Variants in AGBL4 observed in about 807,000 individuals in gnomAD.
The protein encoded by AGBL4 is cytosolic carboxypeptidase 6.
In AGBL4, 58 loss-of-function variants were observed where a neutral mutation model predicts 66.4. The ratio of observed to expected loss-of-function variants is 0.87; its 90% confidence interval spans 0.71 to 1.09. The LOEUF is 1.09. Among genes scored for constraint, AGBL4 ranks in the 50% least tolerant of loss-of-function variants. The probability of loss-of-function intolerance (pLI) is 0.00; values close to 1 mark genes in which losing one functional copy is unlikely to be tolerated. For synonymous variants in AGBL4, 234 were observed against 222.9 expected, an observed-to-expected ratio of 1.05 and a Z score of -0.44; for missense variants, 579 against 631.0, an observed-to-expected ratio of 0.92 and a Z score of 0.88.
chr1:48,984,494 G>T (rs942517956), intron 5 of AGBL4, among the ~76,000 whole-genome samples: 1 of 147,572 alleles, frequency 6.8e-6, no homozygotes, highest in Admixed American at 6.7e-5. Context: ...TTTCCCATCC[G>T]CCTATCATAT....
chr1:49,556,451 T>C (rs1350777130), intron 3 of AGBL4, among the ~76,000 whole-genome samples: 2 of 151,800 alleles, frequency 1.3e-5, no homozygotes, highest in Admixed American at 6.6e-5. Context: ...GGCACATGTA[T>C]ACATATGTAA....
At chr1:49,744,953 C>T (rs1270298481) in intron 2 of AGBL4, among the ~76,000 whole-genome samples, 1 of 151,918 alleles carries the variant, frequency 6.6e-6, no homozygotes, top group Non-Finnish European at 1.5e-5. Flanking sequence ...TTAAATGGTA[C>T]ACTAGACTGT....
chr1:48,533,968 A>G lies in AGBL4; in HGVS notation c.*205T>C. The stretch of plus-strand genomic sequence containing the variant: ...GTTCCGATCTCCTATTTTGTTCCTG[A>G]GCTTTTTGAGCTGAAGGCTTACAAT... On this transcript the variant is annotated 3_prime_UTR_variant, in exon 14 of 14. Transcript: ENST00000371839. 2 of 762,952 alleles carry G rather than the reference A, an allele frequency of 2.6e-6. No individual in the cohort carries two copies. Among genetic ancestry groups the G allele is most frequent in the Non-Finnish European group, 4.2e-6 (2 of 476,348 alleles). The allele number at this position is 762,952 out of a possible 1,614,324, so 47.3% of individuals were successfully genotyped here.
At position 48,755,485 on chromosome 1, in the gene AGBL4, T is replaced by C. The variant is rs544959926; in HGVS notation, c.635-92244A>G. ...CAAAAAATGAAAATACTCAAGGATA[T>C]GCCTCCAGGAGCAACACTCAAATGA... On this transcript the variant is annotated intron_variant, in intron 6 of 13. Coordinates refer to ENST00000371839, the MANE Select transcript of AGBL4 (RefSeq NM_032785.4). Among the ~76,000 whole-genome samples the C allele has an allele frequency of 9.9e-5, 15 of 152,280 alleles. No individual in the cohort carries two copies. The South Asian group carries it at 2.9e-3, about 30-fold the overall frequency.
At chr1:49,362,135 A>T (rs554985611) in intron 3 of AGBL4, among the ~76,000 whole-genome samples, 2 of 152,262 alleles carry the variant, frequency 1.3e-5, no homozygotes, top group East Asian at 3.9e-4. Context: ...ATGATCTCAT[A>T]TGAATGTTGT....
At chr1:48,898,296 T>A (rs1651738125) in intron 5 of AGBL4, among the ~76,000 whole-genome samples, 1 of 152,218 alleles carries the variant, frequency 6.6e-6, no homozygotes, top group Non-Finnish European at 1.5e-5. Context: ...GTGCAGAAAC[T>A]TTTTAGCTTA....
rs1041746730 is a variant in AGBL4, at chr1:48,732,538, C to A, written c.635-69297G>T. Among the ~76,000 whole-genome samples, 5 of 150,940 alleles carry A rather than the reference C, an allele frequency of 3.3e-5. No homozygotes were observed. In the South Asian group the frequency reaches 6.2e-4, roughly 19 times the overall value. ...TGGAGTAGGGTGATGTGACAGACAG[C>A]AATGGAGAGGCTACTTTAGACTGAG... On this transcript the variant is annotated intron_variant, in intron 6 of 13. Transcript: ENST00000371839.
intron 4 of AGBL4, among the ~76,000 whole-genome samples, chr1:49,090,443 A>G (rs1256476331): frequency 6.6e-6 from 1 of 152,116 alleles, no homozygotes; most frequent in Non-Finnish European, 1.5e-5. Flanking sequence ...TACACCAACA[A>G]TGTCCAAGCT....
intron 9 of AGBL4, among the ~76,000 whole-genome samples, chr1:48,593,192 T>C (rs1274032707): frequency 6.6e-6 from 1 of 152,158 alleles, no homozygotes; most frequent in Non-Finnish European, 1.5e-5. Flanking sequence ...AAATATTTCC[T>C]CTCACACCCA....
chr1:49,166,814 A>G (rs1646643383), intron 4 of AGBL4, among the ~76,000 whole-genome samples: 1 of 152,192 alleles, frequency 6.6e-6, no homozygotes, highest in Non-Finnish European at 1.5e-5. Context: ...TACACCCAGA[A>G]TCTTAGCCTT....
intron 2 of AGBL4, among the ~76,000 whole-genome samples, chr1:49,725,577 C>G (rs1051228573): frequency 6.6e-6 from 1 of 151,924 alleles, no homozygotes; most frequent in Non-Finnish European, 1.5e-5. Flanking sequence ...CTCTCATATA[C>G]CTGTTCTTAT....
chr1:49,188,089 T>TC, intron 4 of AGBL4, among the ~76,000 whole-genome samples: 2 of 152,076 alleles, frequency 1.3e-5, no homozygotes, highest in African/African-American at 2.4e-5. Context: ...TGATTGTGAG[T>TC]CCCCCCTAGC....
rs1455897006 is a variant in AGBL4 at position 49,006,663 on chromosome 1, T to C, written c.594+38921A>G. ...TTGAAGAGAGCAGTGGTTCTCCCAG[T>C]ACGCAGCTGGAGATCTGAGAACGGG... On this transcript the variant is annotated intron_variant, in intron 5 of 13. Coordinates refer to ENST00000371839, the MANE Select transcript of AGBL4 (RefSeq NM_032785.4). 1.1e-3 allele frequency among the ~76,000 whole-genome samples: 154 copies of C among 142,282 alleles called. 1 individual carries two copies. The highest frequency in any genetic ancestry group is 3.8e-3 in the South Asian group (16 of 4,254). The allele number at this position is 142,282 out of a possible 152,430, so 93.3% of individuals were successfully genotyped here. A position where few individuals can be genotyped will look rare whatever the true frequency, so the allele number is the denominator to read the frequency against.
intron 1 of AGBL4, among the ~76,000 whole-genome samples, chr1:49,877,624 T>G (rs1461333571): frequency 6.6e-6 from 1 of 152,080 alleles, no homozygotes. Flanking sequence ...AATTCTCTTT[T>G]TTGGTTGTGT....
chr1:49,232,606 G>T (rs1650406607), intron 4 of AGBL4, among the ~76,000 whole-genome samples: 1 of 151,898 alleles, frequency 6.6e-6, no homozygotes, highest in Non-Finnish European at 1.5e-5. Flanking sequence ...GGCTGAGGCA[G>T]GAGAATGGCA....
chr1:49,510,878 A>G (rs1327961324), intron 3 of AGBL4, among the ~76,000 whole-genome samples: 2 of 149,330 alleles, frequency 1.3e-5, no homozygotes, highest in Non-Finnish European at 3.0e-5. Flanking sequence ...AGGTTTGTCA[A>G]AGATCAGATA....
At chr1:49,745,297 C>A (rs950979331) in intron 2 of AGBL4, among the ~76,000 whole-genome samples, 1 of 151,708 alleles carries the variant, frequency 6.6e-6, no homozygotes. Flanking sequence ...CAACCATGGT[C>A]CAAAAAAAGA....
At chr1:48,957,245 T>C (rs1657527937) in intron 5 of AGBL4, among the ~76,000 whole-genome samples, 1 of 152,208 alleles carries the variant, frequency 6.6e-6, no homozygotes, top group Non-Finnish European at 1.5e-5. Context: ...ATTGTACTTG[T>C]CAACCTAAAG....
intron 1 of AGBL4, among the ~76,000 whole-genome samples, chr1:49,893,556 C>T (rs1471524581): frequency 6.6e-6 from 1 of 152,136 alleles, no homozygotes; most frequent in Non-Finnish European, 1.5e-5. Context: ...AGCCCTTGGG[C>T]CTTAAGCGAA....
Sources: gnomAD v4.1 joint callset for allele counts (sites outside exome capture counted in the v4.1 genomes callset) on GRCh38, gnomAD v4.1.1 for gene constraint, MANE v1.5 for transcripts, NCBI Gene and HGNC (gene_info 2026-07-23, HGNC 2026-07-21) for gene names.